Variants in HEPH observed in about 807,000 individuals in gnomAD.
HEPH encodes hephaestin.
Under a neutral mutation model 80.8 loss-of-function variants are expected in HEPH, and 69 were observed. The ratio of observed to expected loss-of-function variants is 0.85; its 90% CI spans 0.70 to 1.04. The LOEUF (loss-of-function observed/expected upper bound fraction) is 1.04, where lower values mean the gene tolerates loss of function less well. Among genes scored for constraint, HEPH ranks in the 50% least tolerant of loss-of-function variants. HEPH has a pLI of 0.00. For missense variants in HEPH, 1,115 were observed against 891.3 expected, an observed-to-expected ratio of 1.25 and a Z score of -3.20; for synonymous variants, 431 against 322.8, an observed-to-expected ratio of 1.34 and a Z score of -3.60.
chrX:66,162,969 A>G, upstream of HEPH: 1 of 842,082 alleles, frequency 1.2e-6, no homozygotes, highest in Non-Finnish European at 1.6e-6. Context: ...AGAGAGGCAT[A>G]GTATTCTCAG....
intron 15 of HEPH, among the ~76,000 whole-genome samples, chrX:66,250,625 A>T (rs1159673863): frequency 8.9e-6 from 1 of 111,779 alleles, no homozygotes; most frequent in Non-Finnish European, 1.9e-5. Flanking sequence ...TGATATCTAC[A>T]TATAAATGGA....
At chrX:66,163,001 C>T, upstream of HEPH, 2 of 574,732 alleles carry the variant, frequency 3.5e-6, no homozygotes, top group African/African-American at 2.3e-5. Flanking sequence ...CAAATTGCTC[C>T]CCACTCATTC....
At chrX:66,177,945 G>T (rs760343347) in intron 4 of HEPH, among the ~76,000 whole-genome samples, 104 of 84,329 alleles carry the variant, frequency 1.2e-3, no homozygotes, top group African/African-American at 7.7e-3. Context: ...TCAGATTGAA[G>T]AATTTTTTTT....
intron 13 of HEPH, among the ~76,000 whole-genome samples, chrX:66,204,371 C>T (rs772155520): frequency 1.8e-5 from 2 of 112,223 alleles, no homozygotes; most frequent in East Asian, 2.8e-4. Flanking sequence ...TTAGCAGTCT[C>T]CACTACTTTG....
intron 9 of HEPH, 111 bp from the exon 10 acceptor site, chrX:66,197,572 C>A: frequency 1.8e-6 from 1 of 571,144 alleles, no homozygotes; most frequent in Non-Finnish European, 2.9e-6. Context: ...CATGTTGCTG[C>A]TACTGCTGCT....
At chrX:66,203,613 A>G (rs778217347) in intron 13 of HEPH, 36 bp downstream of exon 13, 2 of 1,142,132 alleles carry the variant, frequency 1.8e-6, no homozygotes, top group South Asian at 3.8e-5. Flanking sequence ...ACACTTTTAG[A>G]AAAACATTTT....
intron 4 of HEPH, among the ~76,000 whole-genome samples, chrX:66,187,743 T>C (rs1384948109): frequency 9.0e-6 from 1 of 111,382 alleles, no homozygotes; most frequent in Non-Finnish European, 1.9e-5. Context: ...GGAGCCAAAA[T>C]TCATGATGCA....
In HEPH at chrX:66,247,600, CT is replaced by C. The variant is rs749957253; in HGVS notation, c.2564-7432del. Among the ~76,000 whole-genome samples the C allele has an allele frequency of 3.0e-4, 33 of 111,067 alleles. No individual in the cohort carries two copies. In the Admixed American group the frequency reaches 3.1e-3, roughly 10 times the overall value. On this transcript the variant is annotated intron_variant, in intron 15 of 20. Coordinates refer to ENST00000343002, the MANE Select transcript of HEPH (RefSeq NM_001367233.3). Reference sequence around the variant, plus strand: ...TTACTTTTTATTTATGTTTTCAGTTCTTTAAGCATACTTAAGCAGCTGTTAT... The same window carrying C: ...TTACTTTTTATTTATGTTTTCAGTTCTTAAGCATACTTAAGCAGCTGTTAT...
At chrX:66,162,903 C>T, upstream of HEPH, 6 of 1,139,656 alleles carry the variant, frequency 5.3e-6, no homozygotes, top group Non-Finnish European at 7.0e-6. Context: ...GTGGAACCCC[C>T]ATCATACCTG....
intron 15 of HEPH, among the ~76,000 whole-genome samples, chrX:66,240,886 G>T (rs966515121): frequency 1.8e-5 from 2 of 111,651 alleles, no homozygotes; most frequent in African/African-American, 6.5e-5. Context: ...ATCCTGCAAG[G>T]TCAACATAAA....
chrX:66,230,825 G>T (rs1602439275), intron 15 of HEPH, among the ~76,000 whole-genome samples: 1 of 98,801 alleles, frequency 1.0e-5, no homozygotes, highest in Non-Finnish European at 2.0e-5. Context: ...CATTGCTTTT[G>T]GTGTTTTGGA....
At chrX:66,218,129 A>G (rs1170228253) in intron 15 of HEPH, among the ~76,000 whole-genome samples, 3 of 111,560 alleles carry the variant, frequency 2.7e-5, no homozygotes, top group Non-Finnish European at 3.8e-5. Context: ...GGTCATCAAG[A>G]CAGAAAGTCA....
At position 66,201,143 on chromosome X, in the gene HEPH, T is replaced by C. The variant is rs775114029; in HGVS notation, c.2077+391T>C. Among the ~76,000 whole-genome samples the C allele has an allele frequency of 4.5e-5, 5 of 111,114 alleles. No individual in the cohort carries two copies. The South Asian group carries it at 2.0e-3, about 43-fold the overall frequency. Reference sequence around the variant, plus strand: ...TATAAGTGCTATCAAATTGATATTCTGTGAGGCTTTCTACAGACTCATTTC... The same window carrying C: ...TATAAGTGCTATCAAATTGATATTCCGTGAGGCTTTCTACAGACTCATTTC... On this transcript the variant is annotated intron_variant, in intron 12 of 20. Transcript: ENST00000343002.
intron 15 of HEPH, among the ~76,000 whole-genome samples, chrX:66,226,179 C>A (rs763183299): frequency 8.9e-6 from 1 of 111,856 alleles, no homozygotes; most frequent in South Asian, 3.8e-4. Flanking sequence ...AACTACCAGG[C>A]CCAGGGTGTG....
intron 1 of HEPH, 108 bp from the exon 2 acceptor site, chrX:66,170,450 T>C (rs1371446436): frequency 9.4e-6 from 6 of 637,283 alleles, no homozygotes; most frequent in Middle Eastern, 5.2e-4. Flanking sequence ...GGGTTTTGCT[T>C]TCTCAGTCAC....
chrX:66,218,096 T>C (rs1434184202), intron 15 of HEPH, among the ~76,000 whole-genome samples: 3 of 111,593 alleles, frequency 2.7e-5, no homozygotes, highest in Middle Eastern at 4.6e-3. Flanking sequence ...GGGACTTTAA[T>C]ATTCCACTGA....
chrX:66,208,343 G>C, intron 15 of HEPH, 97 bp downstream of exon 15: 1 of 844,530 alleles, frequency 1.2e-6, no homozygotes, highest in Admixed American at 2.8e-5. Context: ...CTTCAGACTG[G>C]AGTGATAGCT....
intron 15 of HEPH, among the ~76,000 whole-genome samples, chrX:66,235,436 C>G (rs1383567006): frequency 9.0e-6 from 1 of 111,011 alleles, no homozygotes; most frequent in Non-Finnish European, 1.9e-5. Context: ...TATCCTAGCA[C>G]CATTTATTCA....
intron 4 of HEPH, among the ~76,000 whole-genome samples, chrX:66,186,913 T>A (rs763647499): frequency 5.4e-5 from 6 of 111,387 alleles, no homozygotes; most frequent in African/African-American, 2.0e-4. Context: ...AGGGGCTTTG[T>A]TCATTTTTTC....
Sources: gnomAD v4.1 joint callset for allele counts (sites outside exome capture counted in the v4.1 genomes callset) on GRCh38, gnomAD v4.1.1 for gene constraint, MANE v1.5 for transcripts, NCBI Gene and HGNC (gene_info 2026-07-23, HGNC 2026-07-21) for gene names.